RALA: variants seen among roughly 807,000 people sequenced by gnomAD.
The protein encoded by RALA is RAS like proto-oncogene A, also known as ras-related protein Ral-A.
Under a neutral mutation model 24.0 loss-of-function variants are expected in RALA, and 5 were observed. The ratio of observed to expected loss-of-function variants is 0.21; its 90% CI spans 0.11 to 0.44. The LOEUF is 0.44. Ranked by LOEUF, RALA falls within the 20% of genes least tolerant of loss-of-function variation. The pLI, the probability that RALA is intolerant of heterozygous loss-of-function variation, is 0.99. For missense variants in RALA, 95 were observed against 241.2 expected, an observed-to-expected ratio of 0.39 and a Z score of 4.01; for synonymous variants, 77 against 83.8, an observed-to-expected ratio of 0.92 and a Z score of 0.44.
chr7:39,679,617 A>T (rs1047826876), intron 1 of RALA, among the ~76,000 whole-genome samples: 1 of 152,194 alleles, frequency 6.6e-6, no homozygotes, highest in South Asian at 2.1e-4. Context: ...AGTGCAGTAT[A>T]GCTTTTTATA....
At chr7:39,694,647 T>C (rs532501701) in intron 3 of RALA, among the ~76,000 whole-genome samples, 6 of 152,112 alleles carry the variant, frequency 3.9e-5, no homozygotes, top group Non-Finnish European at 7.4e-5. Context: ...TTAGTGGTAG[T>C]AGTGTGGTGG....
intron 2 of RALA, 112 bp from the exon 3 acceptor site, chr7:39,690,270 A>G: frequency 2.4e-6 from 2 of 838,322 alleles, no homozygotes; most frequent in South Asian, 3.7e-5. Context: ...GGCAAAGGGT[A>G]TACAGAACTC....
Position 39,667,749 on chromosome 7 carries a change from C to A in RALA, c.-37-18882C>A, listed in dbSNP as rs151126400. On this transcript the variant is annotated intron_variant, in intron 1 of 4. Transcript: ENST00000005257. ...TGGAAATCTATTTCGAAAAACATTT[C>A]TTTTTGAACTCACAGCCTGGGAGGA... Among the ~76,000 whole-genome samples the A allele has an allele frequency of 4.6e-4, 70 of 152,350 alleles. 2 individuals are homozygous for A. The East Asian group carries it at 0.013, about 29-fold the overall frequency.
chr7:39,641,502 GCTCT>G (rs1317115413), intron 1 of RALA, among the ~76,000 whole-genome samples: 6 of 152,124 alleles, frequency 3.9e-5, no homozygotes, highest in African/African-American at 1.4e-4. Flanking sequence ...GTTTTCTTTA[GCTCT>G]CTGAGTGGGG....
chr7:39,645,594 G>A (rs765066785), intron 1 of RALA, among the ~76,000 whole-genome samples: 12 of 152,184 alleles, frequency 7.9e-5, no homozygotes, highest in Non-Finnish European at 1.5e-4. Context: ...TTTTAGGGGA[G>A]ACAGTGTGGT....
In RALA at chr7:39,651,470, G is replaced by A. The variant is rs186556052; in HGVS notation, c.-38+27645G>A. On this transcript the variant is annotated intron_variant, in intron 1 of 4. Transcript: ENST00000005257. ...TCCACTTGAGTGTCTGCAAAACTCC[G>A]TGTCATGTGACCAGTGTTTCTACAA... Among the ~76,000 whole-genome samples the A allele has an allele frequency of 3.0e-4, 45 of 152,270 alleles. 1 individual carries two copies. Among genetic ancestry groups the A allele is most frequent in the Admixed American group, 2.4e-3 (36 of 15,290 alleles).
At chr7:39,699,297 C>T (rs956127480) in intron 4 of RALA, among the ~76,000 whole-genome samples, 19 of 149,860 alleles carry the variant, frequency 1.3e-4, no homozygotes, top group African/African-American at 4.4e-4. Flanking sequence ...CCCGCCACCG[C>T]GCCCGGCTAA....
At chr7:39,673,510 C>G (rs1792424727) in intron 1 of RALA, among the ~76,000 whole-genome samples, 1 of 152,000 alleles carries the variant, frequency 6.6e-6, no homozygotes, top group African/African-American at 2.4e-5. Context: ...GTTATATACT[C>G]TTTGTGAGTG....
At chr7:39,625,337 A>G (rs114327819) in intron 1 of RALA, among the ~76,000 whole-genome samples, 511 of 152,324 alleles carry the variant, frequency 3.4e-3, no homozygotes, top group African/African-American at 0.011. Context: ...CTTGTATTCT[A>G]GTGTTAAATG....
chr7:39,668,811 A>AG (rs1792330280), intron 1 of RALA, among the ~76,000 whole-genome samples: 1 of 151,386 alleles, frequency 6.6e-6, no homozygotes, highest in African/African-American at 2.4e-5. Context: ...AAAAAAAAAA[A>AG]AAGAAAAGAA....
At chr7:39,688,916 G>A (rs79501789) in intron 2 of RALA, among the ~76,000 whole-genome samples, 2 of 152,188 alleles carry the variant, frequency 1.3e-5, no homozygotes, top group East Asian at 3.8e-4. Flanking sequence ...GTGGCAGAGG[G>A]TGAAGGGAAA....
Position 39,623,632 on chromosome 7 carries a change from G to GTCCTCCTCCTCCTTCTCC in RALA, c.-217_-200dup, listed in dbSNP as rs1554294332. ...GATCTCCCCAGAGCAAAGCGTCGGA[G>GTCCTCCTCCTCCTTCTCC]TCCTCCTCCTCCTTCTCCTCCTCCT... On this transcript the variant is annotated 5_prime_UTR_variant, in exon 1 of 5. Transcript: ENST00000005257. The surrounding 1 kb of genome is among the most constrained non-coding windows in gnomAD (Gnocchi z 4.9). The GTCCTCCTCCTCCTTCTCC allele has an allele frequency of 7.1e-5, 11 of 154,046 alleles. No individual in the cohort carries two copies. In the East Asian group the frequency reaches 1.2e-3, roughly 16 times the overall value. 9.5% of individuals were successfully genotyped at this position (154,046 alleles called of 1,614,324 possible).
Position 39,662,391 on chromosome 7 carries a change from C to A in RALA, c.-37-24240C>A, listed in dbSNP as rs1792207851. ...TTTTTCCTATTGCATTGTCAGGCTGCAAATTTGTCAAAGTTCTATGCTGTT... is the reference window on the plus strand; with the variant it reads ...TTTTTCCTATTGCATTGTCAGGCTGAAAATTTGTCAAAGTTCTATGCTGTT... On this transcript the variant is annotated intron_variant, in intron 1 of 4. Coordinates refer to ENST00000005257, the MANE Select transcript of RALA (RefSeq NM_005402.4). Among the ~76,000 whole-genome samples, 3 of 152,240 alleles carry A rather than the reference C, an allele frequency of 2.0e-5. No homozygotes were observed. In the South Asian group the frequency reaches 6.2e-4, roughly 32 times the overall value.
At chr7:39,684,636 C>T (rs1318652112) in intron 1 of RALA, among the ~76,000 whole-genome samples, 2 of 149,548 alleles carry the variant, frequency 1.3e-5, no homozygotes, top group African/African-American at 2.5e-5. Flanking sequence ...GTCCAATCTT[C>T]TGGCTTCCCC....
intron 1 of RALA, among the ~76,000 whole-genome samples, chr7:39,654,183 T>A (rs934584219): frequency 1.3e-5 from 2 of 152,238 alleles, no homozygotes; most frequent in African/African-American, 4.8e-5. Flanking sequence ...TTTATTGAAT[T>A]GTATGAATCA....
chr7:39,690,238 T>G, intron 2 of RALA, 144 bp from the exon 3 acceptor site: 1 of 630,208 alleles, frequency 1.6e-6, no homozygotes, highest in Non-Finnish European at 2.6e-6. Flanking sequence ...ATTAGTGTAG[T>G]TTTTACCATT....
At position 39,707,532 on chromosome 7, in the gene RALA, G is replaced by T. The variant is rs1294589627; in HGVS notation, c.*1287G>T. On this transcript the variant is annotated 3_prime_UTR_variant, in exon 5 of 5. Transcript: ENST00000005257. ...TTAGGCTGTGTCACCATTGTGTGGTGTACCTGCTGGAAGAATTCTAGCATG... is the reference window on the plus strand; with the variant it reads ...TTAGGCTGTGTCACCATTGTGTGGTTTACCTGCTGGAAGAATTCTAGCATG... The T allele has an allele frequency of 6.6e-6, 1 of 152,022 alleles. No homozygotes were observed. The allele number at this position is 152,022 out of a possible 1,614,324, so 9.4% of individuals were successfully genotyped here. A position where few individuals can be genotyped will look rare whatever the true frequency, so the allele number is the denominator to read the frequency against.
chr7:39,696,844 A>G lies in RALA; in HGVS notation c.483A>G (p.Arg161=), dbSNP rs774504876. The G allele has an allele frequency of 6.8e-6, 11 of 1,611,872 alleles. No homozygotes were observed. The change falls in exon 4 of 5, where the codon CGA becomes CGG. Residue 161 remains arginine (R), a synonymous_variant. Coordinates refer to ENST00000005257, the MANE Select transcript of RALA (RefSeq NM_005402.4). ...ACGTGGAAACATCTGCTAAAACACG[A>G]GCTAATGTTGACAAGGTAACACGTG... The part of the protein sequence containing the change: ...VNYVETSAKT[R]ANVDKVFFDL...
At chr7:39,682,648 T>C (rs1792625587) in intron 1 of RALA, among the ~76,000 whole-genome samples, 1 of 152,212 alleles carries the variant, frequency 6.6e-6, no homozygotes, top group Admixed American at 6.5e-5. Flanking sequence ...GTTGGCACTT[T>C]TTTTTTCTTT....
Sources: allele counts gnomAD v4.1 joint callset (sites outside exome capture counted in the v4.1 genomes callset), GRCh38; gene constraint gnomAD v4.1.1; non-coding constraint Gnocchi (gnomAD v3.1); transcripts MANE v1.5; gene names NCBI Gene and HGNC (gene_info 2026-07-23, HGNC 2026-07-21).